The following DLC1 variants were observed in gnomAD, a reference collection of about 807,000 sequenced individuals.
DLC1 encodes DLC1 Rho GTPase activating protein.
In DLC1, 54 loss-of-function variants were observed where a neutral mutation model predicts 140.3. The ratio of observed to expected loss-of-function variants is 0.38; its 90% confidence interval spans 0.31 to 0.48. DLC1 has a LOEUF of 0.48. DLC1 is among the 20% of genes least tolerant of loss of function. The pLI, the probability that DLC1 is intolerant of heterozygous loss-of-function variation, is 0.96. For missense variants in DLC1, 2,536 were observed against 1,907.0 expected, an observed-to-expected ratio of 1.33 and a Z score of -6.14; for synonymous variants, 986 against 728.1, an observed-to-expected ratio of 1.35 and a Z score of -5.70.
At chr8:13,398,228 G>A (rs1037340615) in intron 3 of DLC1, among the ~76,000 whole-genome samples, 7 of 152,054 alleles carry the variant, frequency 4.6e-5, no homozygotes, top group Non-Finnish European at 1.0e-4. Flanking sequence ...GCTTATAAAG[G>A]AAGGGATGAG....
chr8:13,405,916 CTTTT>C (rs1339611114), intron 2 of DLC1, among the ~76,000 whole-genome samples: 3 of 35,506 alleles, frequency 8.4e-5, no homozygotes, highest in Middle Eastern at 0.012. Context: ...TCTTTCTTTT[CTTTT>C]CTTTCTTTCT....
intron 6 of DLC1, among the ~76,000 whole-genome samples, chr8:13,114,238 C>T (rs1010826484): frequency 6.6e-6 from 1 of 152,112 alleles, no homozygotes; most frequent in African/African-American, 2.4e-5. Flanking sequence ...GGCACATGCC[C>T]ATAATCCCAG....
intron 5 of DLC1, among the ~76,000 whole-genome samples, chr8:13,220,829 A>C (rs981789624): frequency 6.6e-6 from 1 of 152,178 alleles, no homozygotes; most frequent in Non-Finnish European, 1.5e-5. Context: ...TTGAAATTAG[A>C]ATTGTCAACT....
chr8:13,343,758 GCCTAAA>G (rs2116996505), intron 4 of DLC1, among the ~76,000 whole-genome samples: 1 of 152,228 alleles, frequency 6.6e-6, no homozygotes, highest in South Asian at 2.1e-4. Flanking sequence ...CACTCTAAAA[GCCTAAA>G]CATAGTTTTA....
At chr8:13,428,209 C>A (rs988197362) in intron 2 of DLC1, among the ~76,000 whole-genome samples, 8 of 152,052 alleles carry the variant, frequency 5.3e-5, no homozygotes, top group African/African-American at 1.7e-4. Context: ...TTCACTGGGT[C>A]CACAGACATC....
intron 4 of DLC1, 144 bp downstream of exon 4, chr8:13,393,409 A>G: frequency 1.1e-6 from 1 of 923,424 alleles, no homozygotes; most frequent in Non-Finnish European, 1.5e-6. Flanking sequence ...CTAGGGTTGT[A>G]CTTAATTAAA....
intron 5 of DLC1, 46 bp from the exon 6 acceptor site, chr8:13,115,703 C>CCATGCTTA (rs761140859): frequency 1.5e-5 from 23 of 1,576,670 alleles, no homozygotes; most frequent in Non-Finnish European, 2.0e-5. Context: ...GTGTACCTCG[C>CCATGCTTA]CATGCTTATT....
At chr8:13,490,346 T>C (rs1361784267) in intron 2 of DLC1, among the ~76,000 whole-genome samples, 3 of 152,240 alleles carry the variant, frequency 2.0e-5, no homozygotes, top group African/African-American at 7.2e-5. Flanking sequence ...CAGTTACTTA[T>C]ATTTCCTTTG....
rs756851944 is a variant in DLC1, at chr8:13,095,131, G to A, written c.3282C>T (p.Ser1094=). ...VQRTGQPLPQ[S]IQQAMRYLRN... ...GGAGGTATCGCATGGCCTGCTGGATGCTCTGAGGCAACGGTTGTCCTGTGC... is the reference window on the plus strand; with the variant it reads ...GGAGGTATCGCATGGCCTGCTGGATACTCTGAGGCAACGGTTGTCCTGTGC... The change falls in exon 11 of 18, where the codon AGC becomes AGT. Residue 1094 remains serine (S), a synonymous_variant. Transcript: ENST00000276297. 1.2e-6 allele frequency: 2 copies of A among 1,614,158 alleles called. No individual in the cohort carries two copies. The highest frequency in any genetic ancestry group is 1.3e-5 in the African/African-American group (1 of 74,952).
chr8:13,218,482 C>G (rs984429895), intron 5 of DLC1, among the ~76,000 whole-genome samples: 7 of 152,074 alleles, frequency 4.6e-5, no homozygotes, highest in African/African-American at 1.7e-4. Context: ...AATCAGTAGA[C>G]ATTTTCCAAA....
intron 5 of DLC1, among the ~76,000 whole-genome samples, chr8:13,180,618 A>G (rs903938777): frequency 1.4e-4 from 22 of 152,212 alleles, no homozygotes; most frequent in African/African-American, 5.3e-4. Flanking sequence ...CTTACAGTGC[A>G]TCATGTAGAA....
chr8:13,133,050 G>A, intron 5 of DLC1: 1 of 1,569,562 alleles, frequency 6.4e-7, no homozygotes, highest in Non-Finnish European at 8.6e-7. Flanking sequence ...CGGCTTCCGC[G>A]TCGGGACCCA....
intron 1 of DLC1, among the ~76,000 whole-genome samples, chr8:13,590,645 T>A (rs1307491743): frequency 2.6e-5 from 4 of 152,138 alleles, no homozygotes; most frequent in Admixed American, 2.6e-4. Flanking sequence ...TCTTTAGTAA[T>A]AAAATAATCA....
At chr8:13,251,392 T>C (rs571782319) in intron 5 of DLC1, among the ~76,000 whole-genome samples, 1 of 152,198 alleles carries the variant, frequency 6.6e-6, no homozygotes, top group Admixed American at 6.5e-5. Context: ...AATTTCGTAC[T>C]GGATTGATAC....
chr8:13,178,572 C>CAA lies in DLC1; in HGVS notation c.1349-62917_1349-62916dup, dbSNP rs75910995. 4.7e-3 allele frequency among the ~76,000 whole-genome samples: 373 copies of CAA among 79,058 alleles called. 1 individual carries two copies. Among genetic ancestry groups the CAA allele is most frequent in the Non-Finnish European group, 7.8e-3 (297 of 38,266 alleles). The allele number at this position is 79,058 out of a possible 152,430, so 51.9% of individuals were successfully genotyped here. On this transcript the variant is annotated intron_variant, in intron 5 of 17. Transcript: ENST00000276297. The stretch of plus-strand genomic sequence containing the variant: ...TGGGCGACAGAGTGAGACTCTGCCT[C>CAA]AAAAAAAAAAAAAAAAAAGATTACT...
chr8:13,523,259 T>G (rs76596591), intron 1 of DLC1, among the ~76,000 whole-genome samples: 18 of 152,268 alleles, frequency 1.2e-4, no homozygotes, highest in Non-Finnish European at 2.1e-4. Context: ...TTGAAGCTGT[T>G]GTTGTGGTTC....
chr8:13,345,249 C>T lies in DLC1; in HGVS notation c.1315-39947G>A, dbSNP rs571731759. Among the ~76,000 whole-genome samples the T allele has an allele frequency of 3.2e-4, 48 of 152,150 alleles. 1 individual carries two copies. The highest frequency in any genetic ancestry group is 1.1e-3 in the African/African-American group (45 of 41,510). The stretch of plus-strand genomic sequence containing the variant: ...ACTTGTAAAACTGTTTCTCCTTCCC[C>T]AACTGTCATGTATTCCACCTAAAAT... On this transcript the variant is annotated intron_variant, in intron 4 of 17. Coordinates refer to ENST00000276297, the MANE Select transcript of DLC1 (RefSeq NM_182643.3).
At chr8:13,519,430 T>G (rs1157996209), upstream of DLC1, among the ~76,000 whole-genome samples, 5 of 152,176 alleles carry the variant, frequency 3.3e-5, no homozygotes, top group Non-Finnish European at 7.3e-5. Flanking sequence ...TCCTGGCTCA[T>G]GTGTTTTCTT....
chr8:13,221,425 C>T (rs908990632), intron 5 of DLC1, among the ~76,000 whole-genome samples: 3 of 150,484 alleles, frequency 2.0e-5, no homozygotes, highest in Admixed American at 2.0e-4. Flanking sequence ...GGCTGGAGTG[C>T]AGTGGTGCAA....
Sources: gnomAD v4.1 joint callset for allele counts (sites outside exome capture counted in the v4.1 genomes callset) on GRCh38, gnomAD v4.1.1 for gene constraint, MANE v1.5 for transcripts, NCBI Gene and HGNC (gene_info 2026-07-23, HGNC 2026-07-21) for gene names.